LHPP: variants seen among roughly 807,000 people sequenced by gnomAD.
The protein encoded by LHPP is hLHPP.
In LHPP, 24 loss-of-function variants were observed where a neutral mutation model predicts 30.3. The observed-to-expected ratio is 0.79, with a 90% confidence interval of 0.57 to 1.11. The LOEUF is 1.11. Ranked by LOEUF, LHPP falls within the 50% of genes most tolerant of loss-of-function variation. The pLI, the probability that LHPP is intolerant of heterozygous loss-of-function variation, is 0.00. For missense variants in LHPP, 356 were observed against 367.2 expected (o/e 0.97, Z 0.25); for synonymous variants, 150 against 157.1 (o/e 0.95, Z 0.34).
intron 6 of LHPP, among the ~76,000 whole-genome samples, chr10:124,525,228 C>T (rs1313258390): frequency 6.6e-6 from 1 of 152,244 alleles, no homozygotes; most frequent in East Asian, 1.9e-4. Flanking sequence ...CTGCCCGTCC[C>T]TCAGAGGGAA....
In LHPP at chr10:124,613,442, C is replaced by A. The variant is rs1949230583; in HGVS notation, c.*82C>A. The A allele has an allele frequency of 4.2e-6, 4 of 957,424 alleles. No homozygotes were observed. The highest frequency in any genetic ancestry group is 4.8e-6 in the Non-Finnish European group (3 of 620,456). 59.3% of individuals were successfully genotyped at this position (957,424 alleles called of 1,614,324 possible). On this transcript the variant is annotated 3_prime_UTR_variant, in exon 7 of 7. Transcript: ENST00000368842. ...CCCCTCCACCCCTGCCTCTCCTCCA[C>A]CCGCCCAGGAGAGCCCCACCTCCTC...
chr10:124,494,878 C>A (rs575396630), intron 3 of LHPP, among the ~76,000 whole-genome samples: 7 of 152,206 alleles, frequency 4.6e-5, no homozygotes, highest in African/African-American at 1.4e-4. Context: ...ATCCCTGAGT[C>A]CTGCAAAGGG....
rs114188501 is a variant in LHPP, at chr10:124,579,866, C to T, written c.717-33398C>T. Among the ~76,000 whole-genome samples, 671 of 147,528 alleles carry T rather than the reference C, an allele frequency of 4.5e-3. 4 individuals are homozygous for T. Among genetic ancestry groups the T allele is most frequent in the African/African-American group, 0.017 (656 of 39,508 alleles). Reference sequence around the variant, plus strand: ...ACGCTGTTGATGACTCCAAAGTGGACGTGCCATTTCTGTCCCCTCCAGCAG... The same window carrying T: ...ACGCTGTTGATGACTCCAAAGTGGATGTGCCATTTCTGTCCCCTCCAGCAG... On this transcript the variant is annotated intron_variant, in intron 6 of 6. Transcript: ENST00000368842.
chr10:124,462,352 C>T (rs1319010882), intron 1 of LHPP, among the ~76,000 whole-genome samples: 1 of 152,166 alleles, frequency 6.6e-6, no homozygotes, highest in African/African-American at 2.4e-5. Context: ...CTAGCACTTG[C>T]AGAGGCAGAG....
intron 2 of LHPP, among the ~76,000 whole-genome samples, chr10:124,487,615 G>A (rs989076926): frequency 1.3e-5 from 2 of 151,916 alleles, no homozygotes; most frequent in African/African-American, 4.8e-5. Context: ...GCTGATTGTT[G>A]TATTTTTAGT....
chr10:124,484,096 C>T, intron 1 of LHPP, 43 bp from the exon 2 acceptor site: 1 of 1,593,510 alleles, frequency 6.3e-7, no homozygotes, highest in Non-Finnish European at 8.6e-7. Context: ...AGGCCCAACA[C>T]TCCACGTGCT....
At chr10:124,467,373 A>G (rs1403055733) in intron 1 of LHPP, among the ~76,000 whole-genome samples, 1 of 112,496 alleles carries the variant, frequency 8.9e-6, no homozygotes, top group African/African-American at 3.6e-5. Context: ...TGACTGGAAC[A>G]GCTGGCAGGG....
chr10:124,479,381 A>AT (rs1953056262), intron 1 of LHPP, among the ~76,000 whole-genome samples: 1 of 152,206 alleles, frequency 6.6e-6, no homozygotes. Flanking sequence ...CTTGTACTTC[A>AT]TGCCTCCCAA....
intron 3 of LHPP, among the ~76,000 whole-genome samples, chr10:124,492,702 C>G (rs35523578): frequency 0.15 from 23,396 of 152,176 alleles, 2,221 homozygotes; most frequent in Non-Finnish European, 0.2. Context: ...TAAATTAACC[C>G]TTGTAGTCCC....
At chr10:124,535,546 C>T (rs549681869) in intron 6 of LHPP, among the ~76,000 whole-genome samples, 2 of 152,120 alleles carry the variant, frequency 1.3e-5, no homozygotes, top group South Asian at 4.1e-4. Context: ...TAGGCACATG[C>T]CACAATGCCT....
At chr10:124,602,194 A>T (rs916291164) in intron 6 of LHPP, among the ~76,000 whole-genome samples, 2 of 152,204 alleles carry the variant, frequency 1.3e-5, no homozygotes, top group African/African-American at 4.8e-5. Context: ...AGGGAGACGA[A>T]CCAGGTTTAA....
intron 6 of LHPP, among the ~76,000 whole-genome samples, chr10:124,533,448 A>G (rs994123266): frequency 6.6e-6 from 1 of 152,160 alleles, no homozygotes; most frequent in Non-Finnish European, 1.5e-5. Flanking sequence ...CACAGCCTGG[A>G]GGCTTCCCTT....
At position 124,596,236 on chromosome 10, in the gene LHPP, T is replaced by C. The variant is rs1279565606; in HGVS notation, c.717-17028T>C. Among the ~76,000 whole-genome samples, 2 of 152,172 alleles carry C rather than the reference T, an allele frequency of 1.3e-5. No individual in the cohort carries two copies. Among genetic ancestry groups the C allele is most frequent in the African/African-American group, 4.8e-5 (2 of 41,456 alleles). On this transcript the variant is annotated intron_variant, in intron 6 of 6. Coordinates refer to ENST00000368842, the MANE Select transcript of LHPP (RefSeq NM_022126.4). The surrounding 1 kb of genome is among the most constrained non-coding windows in gnomAD (Gnocchi z 4.6). Reference sequence around the variant, plus strand: ...GAACATATCTGTCCATGGCTCTTGGTGGACATAGCCTCATTTCATGTGTGT... The same window carrying C: ...GAACATATCTGTCCATGGCTCTTGGCGGACATAGCCTCATTTCATGTGTGT...
chr10:124,487,671 T>C (rs1414098076), intron 2 of LHPP, among the ~76,000 whole-genome samples: 2 of 152,154 alleles, frequency 1.3e-5, no homozygotes, highest in Non-Finnish European at 2.9e-5. Flanking sequence ...CTCGAACTCC[T>C]GAACTCAGGC....
At chr10:124,490,342 C>T (rs954650199) in intron 3 of LHPP, 6 of 268,710 alleles carry the variant, frequency 2.2e-5, no homozygotes, top group Non-Finnish European at 3.9e-5. Context: ...TGGTGGTAAT[C>T]GCAGAGATTC....
chr10:124,481,368 G>GC (rs768586976), intron 1 of LHPP, among the ~76,000 whole-genome samples: 1,563 of 123,946 alleles, frequency 0.013, 31 homozygotes, highest in African/African-American at 0.021. Flanking sequence ...TGGCTTATCT[G>GC]CCCCCTTTTT....
At chr10:124,474,225 G>A (rs528280018) in intron 1 of LHPP, among the ~76,000 whole-genome samples, 5 of 138,214 alleles carry the variant, frequency 3.6e-5, no homozygotes, top group Non-Finnish European at 7.6e-5. Context: ...CTGCAGCCTC[G>A]ACCTCCTGGG....
chr10:124,574,224 T>C (rs1482900922), intron 6 of LHPP, among the ~76,000 whole-genome samples: 2 of 152,196 alleles, frequency 1.3e-5, no homozygotes, highest in South Asian at 4.1e-4. Context: ...TTTTGACATA[T>C]GGATCTCAGC....
intron 5 of LHPP, among the ~76,000 whole-genome samples, chr10:124,502,732 A>T (rs1325085606): frequency 3.0e-5 from 4 of 131,834 alleles, no homozygotes; most frequent in Non-Finnish European, 6.2e-5. Context: ...GGAGTACAAT[A>T]GCATGATCTC....
Sources: allele counts gnomAD v4.1 joint callset (sites outside exome capture counted in the v4.1 genomes callset), GRCh38; gene constraint gnomAD v4.1.1; non-coding constraint Gnocchi (gnomAD v3.1); transcripts MANE v1.5; gene names NCBI Gene and HGNC (gene_info 2026-07-23, HGNC 2026-07-21).